The following SMAD9 variants were observed in gnomAD, a reference collection of about 807,000 sequenced individuals.
SMAD9 encodes the protein SMAD family member 9.
In SMAD9, 36 loss-of-function variants were observed where a neutral mutation model predicts 46.1. That is an observed-to-expected ratio of 0.78 (90% CI 0.60 to 1.03). The LOEUF (loss-of-function observed/expected upper bound fraction) is 1.03. SMAD9 is among the 50% of genes least tolerant of loss of function. The probability of loss-of-function intolerance (pLI) is 0.00; values close to 1 mark genes in which losing one functional copy is unlikely to be tolerated. For synonymous variants in SMAD9, 245 were observed against 237.1 expected, an observed-to-expected ratio of 1.03 and a Z score of -0.31; for missense variants, 572 against 599.8, an observed-to-expected ratio of 0.95 and a Z score of 0.48.
intron 1 of SMAD9, among the ~76,000 whole-genome samples, chr13:36,913,809 G>A (rs2058678770): frequency 1.3e-5 from 2 of 152,074 alleles, no homozygotes; most frequent in Admixed American, 6.5e-5. Context: ...GCATAAACAA[G>A]ACAAAGAAAA....
intron 3 of SMAD9, among the ~76,000 whole-genome samples, chr13:36,867,691 A>G (rs1416836193): frequency 6.6e-6 from 1 of 152,220 alleles, no homozygotes; most frequent in Non-Finnish European, 1.5e-5. Context: ...AGCTTTTCTC[A>G]TAGCAGAATA....
chr13:36,919,927 C>G (rs2058729746), intron 1 of SMAD9, among the ~76,000 whole-genome samples, 189 bp downstream of exon 1: 1 of 151,394 alleles, frequency 6.6e-6, no homozygotes, highest in South Asian at 2.1e-4. Context: ...CAGGCTGCCC[C>G]GAGGACGAAC....
At chr13:36,861,889 A>T (rs997713409) in intron 5 of SMAD9, among the ~76,000 whole-genome samples, 1 of 151,366 alleles carries the variant, frequency 6.6e-6, no homozygotes, top group Non-Finnish European at 1.5e-5. Flanking sequence ...AGATCGTTTC[A>T]TTGTACTCCA....
intron 1 of SMAD9, among the ~76,000 whole-genome samples, chr13:36,894,936 T>C (rs1389792138): frequency 1.3e-5 from 2 of 152,184 alleles, no homozygotes; most frequent in Admixed American, 6.5e-5. Context: ...AATTCCCTTA[T>C]GTCACACTCT....
intron 1 of SMAD9, among the ~76,000 whole-genome samples, chr13:36,906,382 T>C (rs1409202079): frequency 6.6e-6 from 1 of 151,996 alleles, no homozygotes; most frequent in African/African-American, 2.4e-5. Flanking sequence ...CATAAATAAA[T>C]GGAAAAAAAT....
At chr13:36,910,166 C>T (rs367933596) in intron 1 of SMAD9, among the ~76,000 whole-genome samples, 2 of 150,692 alleles carry the variant, frequency 1.3e-5, no homozygotes, top group East Asian at 1.9e-4. Context: ...CACTGTACTC[C>T]GGCGTGGGGG....
At chr13:36,885,337 T>C (rs2058436087) in intron 1 of SMAD9, among the ~76,000 whole-genome samples, 1 of 152,140 alleles carries the variant, frequency 6.6e-6, no homozygotes, top group Non-Finnish European at 1.5e-5. Flanking sequence ...GGCACACATA[T>C]ATCATGTCTT....
chr13:36,894,556 A>G lies in SMAD9; in HGVS notation c.-186-14681T>C, dbSNP rs150676058. On this transcript the variant is annotated intron_variant, in intron 1 of 6. Transcript: ENST00000379826. ...ACAAAACTAACACATGGAACAATTA[A>G]TGAGTAGCCCAAGAATGAAATTATT... Among the ~76,000 whole-genome samples the G allele has an allele frequency of 8.4e-4, 128 of 152,298 alleles. 1 individual carries two copies. The highest frequency in any genetic ancestry group is 2.9e-3 in the African/African-American group (122 of 41,582).
chr13:36,873,600 C>T (rs540947182), intron 2 of SMAD9, among the ~76,000 whole-genome samples: 5 of 152,198 alleles, frequency 3.3e-5, no homozygotes, highest in African/African-American at 7.2e-5. Flanking sequence ...CAGTGGCTCA[C>T]GCCTGTAATA....
At chr13:36,868,660 G>T (rs1224407243) in intron 3 of SMAD9, among the ~76,000 whole-genome samples, 1 of 152,086 alleles carries the variant, frequency 6.6e-6, no homozygotes, top group African/African-American at 2.4e-5. Flanking sequence ...TTGAACCCAG[G>T]AGTTTGAAGT....
At chr13:36,867,841 C>T (rs1353955909) in intron 3 of SMAD9, among the ~76,000 whole-genome samples, 4 of 152,130 alleles carry the variant, frequency 2.6e-5, no homozygotes, top group African/African-American at 9.7e-5. Context: ...ATACCTGAAA[C>T]GTAATTATAA....
intron 1 of SMAD9, among the ~76,000 whole-genome samples, chr13:36,917,279 A>C (rs533905043): frequency 1.1e-4 from 17 of 152,360 alleles, no homozygotes; most frequent in South Asian, 6.2e-4. Flanking sequence ...GTTTATTACC[A>C]AGGGATAATT....
chr13:36,898,934 C>A (rs1211737933), intron 1 of SMAD9, among the ~76,000 whole-genome samples: 2 of 151,958 alleles, frequency 1.3e-5, no homozygotes, highest in African/African-American at 4.8e-5. Flanking sequence ...AGCAAACAAA[C>A]AAAACCAAAT....
chr13:36,866,323 T>C (rs1593568815), intron 4 of SMAD9, among the ~76,000 whole-genome samples: 1 of 151,780 alleles, frequency 6.6e-6, no homozygotes, highest in East Asian at 1.9e-4. Flanking sequence ...ACATTCTGCT[T>C]TGTGGATATC....
At chr13:36,888,161 G>GC (rs1221352546) in intron 1 of SMAD9, among the ~76,000 whole-genome samples, 2 of 152,168 alleles carry the variant, frequency 1.3e-5, no homozygotes, top group East Asian at 1.9e-4. Context: ...TTGGCTCTGT[G>GC]CCCCCGCCCA....
intron 5 of SMAD9, among the ~76,000 whole-genome samples, chr13:36,865,298 C>A (rs1032457396): frequency 6.6e-6 from 1 of 152,084 alleles, no homozygotes; most frequent in Non-Finnish European, 1.5e-5. Context: ...CTTCACAATC[C>A]CCACTCCATG....
At chr13:36,905,070 T>C (rs2058607266) in intron 1 of SMAD9, among the ~76,000 whole-genome samples, 1 of 152,198 alleles carries the variant, frequency 6.6e-6, no homozygotes, top group Admixed American at 6.5e-5. Flanking sequence ...ACGGGACATC[T>C]GGCAATGCCT....
intron 1 of SMAD9, among the ~76,000 whole-genome samples, chr13:36,884,786 A>G (rs2058431297): frequency 6.6e-6 from 1 of 152,212 alleles, no homozygotes; most frequent in African/African-American, 2.4e-5. Flanking sequence ...CAATTTTAAA[A>G]ACACCGTTTG....
intron 2 of SMAD9, among the ~76,000 whole-genome samples, chr13:36,878,548 T>C (rs1457705593): frequency 2.0e-5 from 3 of 152,218 alleles, no homozygotes; most frequent in Admixed American, 1.3e-4. Flanking sequence ...ATTTCCATCA[T>C]TAAGTGATAC....
Sources: allele counts gnomAD v4.1 joint callset (sites outside exome capture counted in the v4.1 genomes callset), GRCh38; gene constraint gnomAD v4.1.1; transcripts MANE v1.5; gene names NCBI Gene and HGNC (gene_info 2026-07-23, HGNC 2026-07-21).